The following SLC22A3 variants were observed in gnomAD, a reference collection of about 807,000 sequenced individuals.
The protein encoded by SLC22A3 is solute carrier family 22 member 3, also known as EMT organic cation transporter 3.
In SLC22A3, 51 loss-of-function variants were observed where a neutral mutation model predicts 59.1. The observed-to-expected ratio is 0.86, with a 90% CI of 0.69 to 1.09. SLC22A3 has a LOEUF of 1.09. Ranked by LOEUF, SLC22A3 falls within the 50% of genes least tolerant of loss-of-function variation. The probability of loss-of-function intolerance (pLI) is 0.00; values close to 1 mark genes in which losing one functional copy is unlikely to be tolerated. For missense variants in SLC22A3, 711 were observed against 726.3 expected (o/e 0.98, Z 0.24); for synonymous variants, 325 against 292.0 (o/e 1.11, Z -1.15).
chr6:160,348,408 G>A lies in SLC22A3; in HGVS notation c.-12G>A, dbSNP rs1400481042. The A allele has an allele frequency of 3.5e-6, 5 of 1,445,318 alleles. No homozygotes were observed. Among genetic ancestry groups the A allele is most frequent in the Non-Finnish European group, 4.5e-6 (5 of 1,105,276 alleles). The allele number at this position is 1,445,318 out of a possible 1,614,324, so 89.5% of individuals were successfully genotyped here. On this transcript the variant is annotated 5_prime_UTR_variant, in exon 1 of 11. Coordinates refer to ENST00000275300, the MANE Select transcript of SLC22A3 (RefSeq NM_021977.4). ...GAGGCGCGGGCTGCGGGCGGCGGGCGGCGGGCGCACCATGCCCTCCTTCGA... is the reference window on the plus strand; with the variant it reads ...GAGGCGCGGGCTGCGGGCGGCGGGCAGCGGGCGCACCATGCCCTCCTTCGA...
intron 1 of SLC22A3, among the ~76,000 whole-genome samples, chr6:160,372,989 C>G (rs1386174274): frequency 1.4e-4 from 22 of 152,214 alleles, no homozygotes; most frequent in Non-Finnish European, 3.2e-4. Flanking sequence ...CCTTCTGAAG[C>G]CTACTTCTGT....
At chr6:160,378,039 A>G (rs1785662223) in intron 1 of SLC22A3, among the ~76,000 whole-genome samples, 1 of 152,184 alleles carries the variant, frequency 6.6e-6, no homozygotes, top group Admixed American at 6.5e-5. Flanking sequence ...ACACTCCTTC[A>G]ACATTCACAG....
At chr6:160,439,560 A>C (rs998984112) in intron 7 of SLC22A3, among the ~76,000 whole-genome samples, 1 of 152,228 alleles carries the variant, frequency 6.6e-6, no homozygotes, top group Non-Finnish European at 1.5e-5. Context: ...AACTAGCCGG[A>C]TAGTCATATA....
chr6:160,349,717 A>G (rs1162431743), intron 1 of SLC22A3, among the ~76,000 whole-genome samples: 5 of 152,350 alleles, frequency 3.3e-5, no homozygotes, highest in Admixed American at 2.0e-4. Context: ...AGGTCCAGAT[A>G]TAGAGCAGAG....
At chr6:160,421,610 G>A (rs545473665) in intron 5 of SLC22A3, among the ~76,000 whole-genome samples, 1 of 152,248 alleles carries the variant, frequency 6.6e-6, no homozygotes, top group Non-Finnish European at 1.5e-5. Context: ...ACAAACAAAA[G>A]TAAAAAGTAA....
chr6:160,364,734 T>TC (rs1785145313), intron 1 of SLC22A3, among the ~76,000 whole-genome samples: 2 of 152,218 alleles, frequency 1.3e-5, no homozygotes, highest in South Asian at 4.2e-4. Context: ...CAGAGGGGAC[T>TC]CCCCAGTTAG....
intron 1 of SLC22A3, among the ~76,000 whole-genome samples, chr6:160,367,056 C>A (rs1278143494): frequency 6.6e-6 from 1 of 152,146 alleles, no homozygotes; most frequent in African/African-American, 2.4e-5. Context: ...GCACCCCATT[C>A]TCTGGAGTAC....
chr6:160,388,289 T>A (rs1452704960), intron 1 of SLC22A3, among the ~76,000 whole-genome samples: 1 of 152,102 alleles, frequency 6.6e-6, no homozygotes, highest in East Asian at 1.9e-4. Flanking sequence ...CATGTCAGAG[T>A]GTACAATTAG....
At chr6:160,421,319 C>T (rs976081789) in intron 5 of SLC22A3, among the ~76,000 whole-genome samples, 2 of 152,214 alleles carry the variant, frequency 1.3e-5, no homozygotes, top group African/African-American at 4.8e-5. Flanking sequence ...TTCTCACTTA[C>T]TCTTCTCTCA....
intron 1 of SLC22A3, among the ~76,000 whole-genome samples, chr6:160,369,545 T>C (rs1422801103): frequency 6.6e-6 from 1 of 152,240 alleles, no homozygotes; most frequent in Non-Finnish European, 1.5e-5. Context: ...CTTTTAGAAT[T>C]ATTTTTTAGC....
At chr6:160,439,847 A>G (rs1383062098) in intron 7 of SLC22A3, among the ~76,000 whole-genome samples, 1 of 152,204 alleles carries the variant, frequency 6.6e-6, no homozygotes, top group Non-Finnish European at 1.5e-5. Flanking sequence ...TTAACAGACG[A>G]TCCTCCCTTG....
At chr6:160,396,071 G>T (rs1218255812) in intron 1 of SLC22A3, among the ~76,000 whole-genome samples, 2 of 152,030 alleles carry the variant, frequency 1.3e-5, no homozygotes, top group African/African-American at 4.8e-5. Context: ...ACCTACATTC[G>T]TACTCTTTCC....
At chr6:160,439,100 A>C (rs901765682) in intron 7 of SLC22A3, among the ~76,000 whole-genome samples, 3 of 152,128 alleles carry the variant, frequency 2.0e-5, no homozygotes, top group Non-Finnish European at 2.9e-5. Context: ...TACAATAGCT[A>C]TCTCTTAATA....
chr6:160,372,237 T>A (rs1424555572), intron 1 of SLC22A3, among the ~76,000 whole-genome samples: 1 of 152,202 alleles, frequency 6.6e-6, no homozygotes, highest in East Asian at 1.9e-4. Context: ...TGCCCTTCTT[T>A]GTCTTTTTTG....
At chr6:160,439,380 C>T (rs188200673) in intron 7 of SLC22A3, among the ~76,000 whole-genome samples, 21 of 152,056 alleles carry the variant, frequency 1.4e-4, no homozygotes, top group Admixed American at 5.2e-4. Context: ...AGAAATGCAG[C>T]GAGAAAGATG....
rs192124437 is a variant in SLC22A3 at position 160,400,480 on chromosome 6, G to A, written c.533+2398G>A. 3.1e-4 allele frequency among the ~76,000 whole-genome samples: 47 copies of A among 152,138 alleles called. No homozygotes were observed. In the East Asian group the frequency reaches 7.7e-3, roughly 25 times the overall value. On this transcript the variant is annotated intron_variant, in intron 2 of 10. Transcript: ENST00000275300. ...TAGAGAAGCATTTGTGAAGTTCACC[G>A]TTTAGAGACATAGGTTCACTAAAAG...
chr6:160,450,346 A>G (rs1008440278), intron 10 of SLC22A3, among the ~76,000 whole-genome samples: 9 of 152,182 alleles, frequency 5.9e-5, no homozygotes, highest in African/African-American at 1.9e-4. Flanking sequence ...GCTCTCTGCA[A>G]GAAGAAAAAT....
chr6:160,354,190 G>A (rs1784754007), intron 1 of SLC22A3, among the ~76,000 whole-genome samples: 2 of 152,170 alleles, frequency 1.3e-5, no homozygotes, highest in Admixed American at 6.5e-5. Context: ...TAGTAGAGTG[G>A]AAAGAATACA....
At position 160,451,375 on chromosome 6, in the gene SLC22A3, G is replaced by GC. The variant is rs367559514; in HGVS notation, c.*324dup. 2 of 301,860 alleles carry GC rather than the reference G, an allele frequency of 6.6e-6. No homozygotes were observed. Among genetic ancestry groups the GC allele is most frequent in the African/African-American group, 4.3e-5 (2 of 46,992 alleles). 18.7% of individuals were successfully genotyped at this position (301,860 alleles called of 1,614,324 possible). On this transcript the variant is annotated 3_prime_UTR_variant, in exon 11 of 11. Coordinates refer to ENST00000275300, the MANE Select transcript of SLC22A3 (RefSeq NM_021977.4). ...ATTAGGCTAAAGAGAGACAAGAGAA[G>GC]CCCCCAACCTGATTCTCATGACAGC...
Sources: gnomAD v4.1 joint callset for allele counts (sites outside exome capture counted in the v4.1 genomes callset) on GRCh38, gnomAD v4.1.1 for gene constraint, MANE v1.5 for transcripts, NCBI Gene and HGNC (gene_info 2026-07-23, HGNC 2026-07-21) for gene names.